Variants in CEP135 observed in about 807,000 individuals in gnomAD.
CEP135 encodes the protein centrosomal protein of 135 kDa.
In CEP135, 142 loss-of-function variants were observed where a neutral mutation model predicts 157.3. The ratio of observed to expected loss-of-function variants is 0.90; its 90% CI spans 0.79 to 1.04. The LOEUF (loss-of-function observed/expected upper bound fraction) is 1.04, where lower values mean the gene tolerates loss of function less well. CEP135 is among the 50% of genes least tolerant of loss of function. The pLI is 0.00. For missense variants in CEP135, 1,317 were observed against 1,309.2 expected (o/e 1.01, Z -0.09); for synonymous variants, 396 against 439.8 (o/e 0.90, Z 1.25).
chr4:56,010,321 C>A (rs913015178), intron 19 of CEP135, among the ~76,000 whole-genome samples: 40 of 149,532 alleles, frequency 2.7e-4, no homozygotes, highest in African/African-American at 9.4e-4. Flanking sequence ...GAGATCGTGC[C>A]ACTGCACTCC....
chr4:55,956,365 A>G (rs1409833287), intron 4 of CEP135, among the ~76,000 whole-genome samples: 1 of 152,224 alleles, frequency 6.6e-6, no homozygotes, highest in Non-Finnish European at 1.5e-5. Context: ...AAGACAAGAT[A>G]TATCTAGCCA....
At chr4:55,990,416 C>T (rs1044502754) in intron 14 of CEP135, among the ~76,000 whole-genome samples, 7 of 152,018 alleles carry the variant, frequency 4.6e-5, no homozygotes, top group Non-Finnish European at 7.4e-5. Context: ...GTCATTTTCC[C>T]ATCTAGAATT....
chr4:56,009,687 C>T (rs1730498753), intron 18 of CEP135, 48 bp from the exon 19 acceptor site: 1 of 1,519,582 alleles, frequency 6.6e-7, no homozygotes, highest in Middle Eastern at 1.7e-4. Context: ...AAATGAACTA[C>T]AGTTTTTAAA....
chr4:55,955,067 T>G (rs1427463959), intron 4 of CEP135, among the ~76,000 whole-genome samples: 2 of 150,124 alleles, frequency 1.3e-5, no homozygotes, highest in Non-Finnish European at 3.0e-5. Context: ...GGTGATAGAG[T>G]GAGACCCTGT....
Position 55,980,154 on chromosome 4 carries a change from TTCAGAAATTCA to T in CEP135, c.1491_1501del (p.Glu497AspfsTer7). On this transcript the variant is annotated frameshift_variant, in exon 12 of 26. Coordinates refer to ENST00000257287, the MANE Select transcript of CEP135 (RefSeq NM_025009.5). LOFTEE classifies it high-confidence loss of function. ...TAATTATGTTTCAGGGTGATTACAA[TTCAGAAATTCA>T]TCAGATCACAAGAGAAAGAGATGAA... is the stretch of plus-strand genomic sequence containing the variant. 2 of 1,608,820 alleles carry T rather than the reference TTCAGAAATTCA, an allele frequency of 1.2e-6. No homozygotes were observed. The highest frequency in any genetic ancestry group is 1.7e-6 in the Non-Finnish European group (2 of 1,177,782).
intron 10 of CEP135, among the ~76,000 whole-genome samples, chr4:55,974,261 A>G (rs575245845): frequency 1.3e-5 from 2 of 152,336 alleles, no homozygotes; most frequent in African/African-American, 4.8e-5. Context: ...AATTGCCAGT[A>G]TTTGATTACT....
intron 6 of CEP135, among the ~76,000 whole-genome samples, chr4:55,961,340 T>C (rs1728673237): frequency 6.6e-6 from 1 of 152,196 alleles, no homozygotes; most frequent in African/African-American, 2.4e-5. Flanking sequence ...CACCAATTTA[T>C]TGTGGTTTGC....
rs139576359 is a variant in CEP135 at position 55,980,287 on chromosome 4, T to G, written c.1618T>G (p.Tyr540Asp). Reference sequence around the variant, plus strand: ...AGAAAGAGATAAACTAAGTGTCTTATATAATGAAGTAAGAAATGTATTATA... The same window carrying G: ...AGAAAGAGATAAACTAAGTGTCTTAGATAATGAAGTAAGAAATGTATTATA... Reference protein sequence around the residue: ...TAERDKLSVLYNEAQEELSAL... With the variant: ...TAERDKLSVLDNEAQEELSAL... The change falls in exon 12 of 26, where the codon TAT (tyrosine) becomes GAT (aspartate). Residue 540 changes from tyrosine to aspartate, a missense_variant. Coordinates refer to ENST00000257287, the MANE Select transcript of CEP135 (RefSeq NM_025009.5). The G allele has an allele frequency of 6.7e-7, 1 of 1,498,666 alleles. No individual in the cohort carries two copies. The highest frequency in any genetic ancestry group is 1.4e-5 in the African/African-American group (1 of 71,560). The allele number at this position is 1,498,666 out of a possible 1,614,324, so 92.8% of individuals were successfully genotyped here. A position where few individuals can be genotyped will look rare whatever the true frequency, so the allele number is the denominator to read the frequency against.
intron 5 of CEP135, among the ~76,000 whole-genome samples, chr4:55,958,482 T>C (rs1577865526): frequency 6.6e-6 from 1 of 152,344 alleles, no homozygotes; most frequent in East Asian, 1.9e-4. Flanking sequence ...TATTTTTATA[T>C]AGTTGTTTGA....
chr4:56,006,333 T>G (rs1236874570), intron 17 of CEP135, among the ~76,000 whole-genome samples: 2 of 152,230 alleles, frequency 1.3e-5, no homozygotes, highest in Non-Finnish European at 2.9e-5. Flanking sequence ...AGCTCACTGA[T>G]TCTTGCCTTT....
rs1393989974 is a variant in CEP135 at position 55,957,260 on chromosome 4, T to A, written c.510T>A (p.Arg170=). ...KKRSIAFRRQ[R]MQIDEPVPPS... is the part of the protein sequence containing the mutation. ...GAAGTATTGCTTTCAGGCGCCAGCG[T>A]ATGCAAATTGATGAACCGGTTCCTC... The change falls in exon 5 of 26, where the codon CGT becomes CGA. Residue 170 remains arginine, a synonymous_variant. Coordinates refer to ENST00000257287, the MANE Select transcript of CEP135 (RefSeq NM_025009.5). The A allele has an allele frequency of 6.2e-7, 1 of 1,614,092 alleles. No individual in the cohort carries two copies. Among genetic ancestry groups the A allele is most frequent in the African/African-American group, 1.3e-5 (1 of 74,958 alleles).
chr4:55,998,863 TCAAA>T (rs1019917358), intron 15 of CEP135, among the ~76,000 whole-genome samples: 16 of 152,078 alleles, frequency 1.1e-4, no homozygotes, highest in Non-Finnish European at 1.5e-5. Flanking sequence ...AGACCCTGCC[TCAAA>T]CAAACAAAAA....
At chr4:55,997,385 C>T (rs1049523841) in intron 15 of CEP135, among the ~76,000 whole-genome samples, 1 of 152,156 alleles carries the variant, frequency 6.6e-6, no homozygotes, top group Non-Finnish European at 1.5e-5. Context: ...CCTTTGTCAA[C>T]CCCACTTTCA....
intron 13 of CEP135, among the ~76,000 whole-genome samples, chr4:55,983,798 G>A (rs1017837135): frequency 6.6e-6 from 1 of 152,106 alleles, no homozygotes; most frequent in Non-Finnish European, 1.5e-5. Context: ...AGAATTATAG[G>A]CATGAGCCAC....
intron 22 of CEP135, 142 bp downstream of exon 22, chr4:56,017,999 C>A: frequency 1.4e-6 from 1 of 714,332 alleles, no homozygotes; most frequent in Non-Finnish European, 2.2e-6. Context: ...TTTGCTCTGT[C>A]GCTTAGGCTG....
Position 55,974,758 on chromosome 4 carries a change from C to G in CEP135, c.1262C>G (p.Thr421Ser), listed in dbSNP as rs1406798075. The change falls in exon 11 of 26, where the codon ACT (threonine) becomes AGT (serine). Residue 421 changes from threonine (T) to serine (S), a missense_variant. By Grantham distance (58) the Thr-to-Ser change is moderately conservative. Coordinates refer to ENST00000257287, the MANE Select transcript of CEP135 (RefSeq NM_025009.5). ...ESFAVTERQL[T>S]LEVERMRLEH... ...CTTTAATTTACAGAACGACAACTTA[C>G]TCTGGAGGTTGAGAGGATGAGACTA... The G allele has an allele frequency of 6.2e-6, 10 of 1,611,874 alleles. No homozygotes were observed. Among genetic ancestry groups the G allele is most frequent in the Non-Finnish European group, 6.8e-6 (8 of 1,179,118 alleles).
intron 15 of CEP135, among the ~76,000 whole-genome samples, chr4:55,993,179 A>G (rs962832629): frequency 1.3e-5 from 2 of 152,250 alleles, no homozygotes; most frequent in Admixed American, 6.5e-5. Context: ...TAGAAAAAAC[A>G]AACTGATGAA....
At chr4:56,011,769 T>C (rs749036980) in intron 20 of CEP135, 31 bp from the exon 21 acceptor site, 1 of 1,531,804 alleles carries the variant, frequency 6.5e-7, no homozygotes, top group Admixed American at 2.2e-5. Context: ...CAATTACTAA[T>C]TTAGAAACAA....
intron 23 of CEP135, among the ~76,000 whole-genome samples, 177 bp from the exon 24 acceptor site, chr4:56,020,499 G>A (rs1006211470): frequency 6.6e-6 from 1 of 152,130 alleles, no homozygotes; most frequent in Non-Finnish European, 1.5e-5. Context: ...TAGATGTTCA[G>A]TACATGTTTC....
Sources: allele counts gnomAD v4.1 joint callset (sites outside exome capture counted in the v4.1 genomes callset), GRCh38; gene constraint gnomAD v4.1.1; transcripts MANE v1.5; gene names NCBI Gene and HGNC (gene_info 2026-07-23, HGNC 2026-07-21).